The following CCDC181 variants were observed in gnomAD, a reference collection of about 807,000 sequenced individuals.
The protein encoded by CCDC181 is coiled-coil domain-containing protein 181.
Under a neutral mutation model 58.7 loss-of-function variants are expected in CCDC181, and 35 were observed. The observed-to-expected ratio is 0.60, with a 90% CI of 0.46 to 0.79. The LOEUF (loss-of-function observed/expected upper bound fraction) is 0.79, where lower values mean the gene tolerates loss of function less well. CCDC181 is among the 30% of genes least tolerant of loss of function. The probability of loss-of-function intolerance (pLI) is 0.00; values close to 1 mark genes in which losing one functional copy is unlikely to be tolerated. For synonymous variants in CCDC181, 183 were observed against 197.5 expected (o/e 0.93, Z 0.62); for missense variants, 517 against 583.9 (o/e 0.89, Z 1.18).
chr1:169,428,718 C>A (rs936124051), upstream of CCDC181, among the ~76,000 whole-genome samples: 1 of 152,080 alleles, frequency 6.6e-6, no homozygotes, highest in African/African-American at 2.4e-5. Flanking sequence ...TGAAGTGGCA[C>A]GATCTGGGCT....
Position 169,409,320 on chromosome 1 carries a change from T to C in CCDC181, c.1215+9693A>G, listed in dbSNP as rs576319953. Among the ~76,000 whole-genome samples the C allele has an allele frequency of 2.0e-5, 3 of 152,020 alleles. No individual in the cohort carries two copies. In the East Asian group the frequency reaches 5.8e-4, roughly 29 times the overall value. ...TGAAGATCAACATAATGAAATAAAGTGTGAAGACAAGATCAGAGAAAAAAG... is the reference window on the plus strand; with the variant it reads ...TGAAGATCAACATAATGAAATAAAGCGTGAAGACAAGATCAGAGAAAAAAG... On this transcript the variant is annotated intron_variant, in intron 4 of 5. Transcript: ENST00000367806.
Position 169,403,836 on chromosome 1 carries a change from C to T in CCDC181, c.1216-6445G>A, listed in dbSNP as rs1557860534. On this transcript the variant is annotated intron_variant, in intron 4 of 5. Coordinates refer to ENST00000367806, the MANE Select transcript of CCDC181 (RefSeq NM_001300969.2). ...AGAGCAGAACTGAAGGAGATAGAGA[C>T]AAAAGAAACCCTTCAAAAAAATCAA... Among the ~76,000 whole-genome samples the T allele has an allele frequency of 2.0e-5, 3 of 152,102 alleles. No homozygotes were observed. The South Asian group carries it at 6.2e-4, about 32-fold the overall frequency.
At position 169,421,878 on chromosome 1, in the gene CCDC181, T is replaced by C; in HGVS notation, c.553A>G (p.Lys185Glu). 1 of 1,613,882 alleles carries C rather than the reference T, an allele frequency of 6.2e-7. No homozygotes were observed. Among genetic ancestry groups the C allele is most frequent in the East Asian group, 2.2e-5 (1 of 44,890 alleles). ...YFENERNMFG[K>E]LSQLCISNDF... Reference sequence around the variant, plus strand: ...TTGGAAATACATAATTGTGACAGTTTCCCAAACATATTCCTTTCGTTTTCA... The same window carrying C: ...TTGGAAATACATAATTGTGACAGTTCCCCAAACATATTCCTTTCGTTTTCA... The change falls in exon 3 of 6, where the codon AAA becomes GAA. Residue 185 changes from lysine (K) to glutamate (E), a missense_variant. By Grantham distance (56) the Lys-to-Glu change is moderately conservative. Coordinates refer to ENST00000367806, the MANE Select transcript of CCDC181 (RefSeq NM_001300969.2).
In CCDC181 at chr1:169,418,795, C is replaced by T. The variant is rs1656327671; in HGVS notation, c.1215+218G>A. 8 of 502,214 alleles carry T rather than the reference C, an allele frequency of 1.6e-5. No individual in the cohort carries two copies. The Admixed American group carries it at 3.0e-4, about 19-fold the overall frequency. 31.1% of individuals were successfully genotyped at this position (502,214 alleles called of 1,614,324 possible). A position where few individuals can be genotyped will look rare whatever the true frequency, so the allele number is the denominator to read the frequency against. ...AATTGATAGTTTTCTGTTTTCTGTT[C>T]CATCAAAGTCTGAACAAAATAGGAA... On this transcript the variant is annotated intron_variant, in intron 4 of 5. Coordinates refer to ENST00000367806, the MANE Select transcript of CCDC181 (RefSeq NM_001300969.2).
intron 2 of CCDC181, among the ~76,000 whole-genome samples, chr1:169,454,978 ATTAT>A (rs1657646171): frequency 6.6e-6 from 1 of 151,936 alleles, no homozygotes; most frequent in Non-Finnish European, 1.5e-5. Flanking sequence ...CAACAGTTTA[ATTAT>A]TCTCTAAAAT....
At chr1:169,427,697 A>C (rs559687635), upstream of CCDC181, among the ~76,000 whole-genome samples, 1 of 152,222 alleles carries the variant, frequency 6.6e-6, no homozygotes, top group Non-Finnish European at 1.5e-5. Context: ...TCTTAGGACA[A>C]CTTCTAAAAC....
At chr1:169,420,117 A>G (rs1381572306) in intron 3 of CCDC181, among the ~76,000 whole-genome samples, 1 of 152,254 alleles carries the variant, frequency 6.6e-6, no homozygotes, top group Non-Finnish European at 1.5e-5. Flanking sequence ...ATAAAAAGGC[A>G]GTGACAACTA....
chr1:169,450,343 GA>G (rs1657501705), intron 2 of CCDC181, among the ~76,000 whole-genome samples: 1 of 152,108 alleles, frequency 6.6e-6, no homozygotes, highest in South Asian at 2.1e-4. Context: ...TCTCCCAACT[GA>G]AACTATGCAC....
chr1:169,413,797 C>G (rs1224765713), intron 4 of CCDC181, among the ~76,000 whole-genome samples: 1 of 151,428 alleles, frequency 6.6e-6, no homozygotes, highest in Non-Finnish European at 1.5e-5. Context: ...CATGTTCTCA[C>G]TCATAAGTGG....
intron 4 of CCDC181, among the ~76,000 whole-genome samples, chr1:169,407,562 A>G (rs1169428738): frequency 1.3e-5 from 2 of 152,214 alleles, no homozygotes; most frequent in African/African-American, 4.8e-5. Context: ...TAATTGAACA[A>G]ATAGATAACA....
Position 169,395,075 on chromosome 1 carries a change from G to T in CCDC181, c.1502C>A (p.Pro501His). 1 of 1,606,532 alleles carries T rather than the reference G, an allele frequency of 6.2e-7. No individual in the cohort carries two copies. Among genetic ancestry groups the T allele is most frequent in the Non-Finnish European group, 8.5e-7 (1 of 1,177,176 alleles). ...QHHLYMSEAK[P>H]FRFTDHYN ...GTTATAATGATCAGTAAAACGAAAA[G>T]GTTTGGCTTCTGACATATATAGGTG... Residue 501 changes from proline (P) to histidine (H), a missense_variant, in exon 6 of 6, where the codon CCT becomes CAT. Transcript: ENST00000367806.
At chr1:169,410,128 T>C (rs920925049) in intron 4 of CCDC181, among the ~76,000 whole-genome samples, 1 of 149,788 alleles carries the variant, frequency 6.7e-6, no homozygotes, top group Non-Finnish European at 1.5e-5. Flanking sequence ...TGTGCTGTAT[T>C]CAGGAGACAC....
intron 1 of CCDC181, among the ~76,000 whole-genome samples, chr1:169,426,565 A>C (rs1212655630): frequency 6.6e-6 from 1 of 152,220 alleles, no homozygotes; most frequent in Non-Finnish European, 1.5e-5. Flanking sequence ...TCTTAAACCA[A>C]GTCCACATGT....
At chr1:169,426,375 TGTGA>T (rs774254329) in intron 1 of CCDC181, among the ~76,000 whole-genome samples, 17 of 152,218 alleles carry the variant, frequency 1.1e-4, no homozygotes, top group Non-Finnish European at 1.9e-4. Context: ...ACTTTATGCT[TGTGA>T]GTTTCACACA....
intron 2 of CCDC181, among the ~76,000 whole-genome samples, chr1:169,446,556 A>C (rs533481889): frequency 6.6e-6 from 1 of 152,220 alleles, no homozygotes; most frequent in Non-Finnish European, 1.5e-5. Context: ...TCATCCCTCC[A>C]TATACCCATG....
intron 5 of CCDC181, 88 bp from the exon 6 acceptor site, chr1:169,395,294 T>C (rs1407619019): frequency 2.6e-6 from 3 of 1,175,218 alleles, no homozygotes; most frequent in Admixed American, 3.0e-5. Flanking sequence ...ACAAAATAAA[T>C]GGACATTTCT....
At chr1:169,397,663 A>C (rs377594022) in intron 4 of CCDC181, among the ~76,000 whole-genome samples, 2 of 152,256 alleles carry the variant, frequency 1.3e-5, no homozygotes, top group East Asian at 1.9e-4. Flanking sequence ...AGTCATAAGA[A>C]TTTTCTTATA....
At chr1:169,395,294 T>G in intron 5 of CCDC181, 88 bp from the exon 6 acceptor site, 1 of 1,175,336 alleles carries the variant, frequency 8.5e-7, no homozygotes. Flanking sequence ...ACAAAATAAA[T>G]GGACATTTCT....
intron 4 of CCDC181, among the ~76,000 whole-genome samples, chr1:169,406,151 G>A (rs1325578499): frequency 6.6e-6 from 1 of 152,104 alleles, no homozygotes; most frequent in Non-Finnish European, 1.5e-5. Context: ...GACACAACAG[G>A]TGCTGGAGAG....
Sources: allele counts gnomAD v4.1 joint callset (sites outside exome capture counted in the v4.1 genomes callset), GRCh38; gene constraint gnomAD v4.1.1; transcripts MANE v1.5; gene names NCBI Gene and HGNC (gene_info 2026-07-23, HGNC 2026-07-21).